STAT5B: variants seen among roughly 807,000 people sequenced by gnomAD.
STAT5B encodes transcription factor STAT5B.
In STAT5B, 21 loss-of-function variants were observed where a neutral mutation model predicts 107.8. That is an observed-to-expected ratio of 0.19 (90% CI 0.14 to 0.28). STAT5B has a LOEUF of 0.28. STAT5B is among the 10% of genes least tolerant of loss of function. The pLI is 1.00. For synonymous variants in STAT5B, 325 were observed against 401.7 expected, an observed-to-expected ratio of 0.81 and a Z score of 2.28; for missense variants, 565 against 1,008.2, an observed-to-expected ratio of 0.56 and a Z score of 5.95.
intron 3 of STAT5B, among the ~76,000 whole-genome samples, chr17:42,225,418 T>G (rs1430424975): frequency 2.6e-5 from 4 of 152,170 alleles, no homozygotes; most frequent in Non-Finnish European, 5.9e-5. Flanking sequence ...GAGGAGAAAC[T>G]GGATGCCACT....
At chr17:42,279,438 G>T (rs1449895570), upstream of STAT5B, among the ~76,000 whole-genome samples, 3 of 152,186 alleles carry the variant, frequency 2.0e-5, no homozygotes, top group Non-Finnish European at 4.4e-5. Flanking sequence ...TCCCAAGACC[G>T]GCGGTCTAGG....
intron 3 of STAT5B, among the ~76,000 whole-genome samples, chr17:42,226,597 C>G (rs1017820206): frequency 5.9e-5 from 9 of 151,656 alleles, no homozygotes; most frequent in African/African-American, 2.2e-4. Flanking sequence ...CACCTGAGGT[C>G]GGGAGTTCGA....
the STAT5B span, among the ~76,000 whole-genome samples, chr17:42,287,209 T>C: frequency 6.6e-6 from 1 of 152,100 alleles, no homozygotes; most frequent in Non-Finnish European, 1.5e-5. Context: ...TTTTTTTTTT[T>C]TTCCTCTGAA....
At chr17:42,207,489 AC>A in intron 16 of STAT5B, 68 bp downstream of exon 16, 2 of 22,972 alleles carry the variant, frequency 8.7e-5, no homozygotes, top group South Asian at 2.0e-3. Flanking sequence ...GCAGGTATGC[AC>A]ACACACACAC....
upstream of STAT5B, among the ~76,000 whole-genome samples, chr17:42,280,290 C>T (rs538332291): frequency 1.3e-5 from 2 of 152,184 alleles, no homozygotes; most frequent in South Asian, 4.2e-4. Context: ...GTCCACAGCC[C>T]TTGTCCATGC....
chr17:42,209,188 T>C (rs955101083), intron 15 of STAT5B, among the ~76,000 whole-genome samples: 1 of 152,012 alleles, frequency 6.6e-6, no homozygotes, highest in Admixed American at 6.6e-5. Context: ...GCGCACACCA[T>C]GAGCACCACC....
intron 1 of STAT5B, among the ~76,000 whole-genome samples, chr17:42,273,323 A>G (rs1342181523): frequency 1.3e-5 from 2 of 152,220 alleles, no homozygotes; most frequent in African/African-American, 4.8e-5. Flanking sequence ...GCGATAGTGC[A>G]GAGCTAACTT....
intron 3 of STAT5B, among the ~76,000 whole-genome samples, 160 bp from the exon 4 acceptor site, chr17:42,225,028 T>A (rs1044468040): frequency 1.3e-5 from 2 of 152,074 alleles, no homozygotes; most frequent in African/African-American, 2.4e-5. Context: ...GGAAATCCAA[T>A]TGCAGTGAAA....
At chr17:42,275,483 C>T (rs915864888) in intron 1 of STAT5B, 1 of 152,270 alleles carries the variant, frequency 6.6e-6, no homozygotes, top group Non-Finnish European at 1.5e-5. Flanking sequence ...GAGTTCTTTC[C>T]TCTTTGTTCA....
At chr17:42,219,617 G>C (rs2080206378) in intron 6 of STAT5B, 95 bp downstream of exon 6, 1 of 1,425,866 alleles carries the variant, frequency 7.0e-7, no homozygotes, top group Admixed American at 2.1e-5. Context: ...TGCCCTCCCA[G>C]GTTCTGCTCT....
At chr17:42,255,077 G>A (rs953964457) in intron 1 of STAT5B, among the ~76,000 whole-genome samples, 15 of 151,992 alleles carry the variant, frequency 9.9e-5, no homozygotes, top group South Asian at 4.1e-4. Context: ...GCAATGGAGC[G>A]AGACTCCGTC....
Position 42,228,788 on chromosome 17 carries a change from T to C in STAT5B, c.129-1103A>G, listed in dbSNP as rs1029383773. On this transcript the variant is annotated intron_variant, in intron 2 of 18. Coordinates refer to ENST00000293328, the MANE Select transcript of STAT5B (RefSeq NM_012448.4). ...CTCTACTAAAACACAAAAGAAATTA[T>C]CCGGGCGTGGCGGCATGTGCCTGTA... Among the ~76,000 whole-genome samples the C allele has an allele frequency of 2.6e-5, 4 of 151,928 alleles. No individual in the cohort carries two copies. In the South Asian group the frequency reaches 8.3e-4, roughly 32 times the overall value.
At chr17:42,229,851 C>G (rs780241213) in intron 2 of STAT5B, among the ~76,000 whole-genome samples, 14 of 150,592 alleles carry the variant, frequency 9.3e-5, no homozygotes, top group African/African-American at 3.2e-4. Context: ...GGTGACAGAG[C>G]GAGACTCCAT....
upstream of STAT5B, among the ~76,000 whole-genome samples, chr17:42,280,581 T>A (rs1392685956): frequency 2.0e-5 from 3 of 152,186 alleles, no homozygotes; most frequent in Admixed American, 1.3e-4. Context: ...ACTGTGGGAA[T>A]GTCCCTTTTT....
Position 42,244,894 on chromosome 17 carries a change from TTTTTA to T in STAT5B, c.-10-12762_-10-12758del, listed in dbSNP as rs538660305. ...AAAACCATGTAGACGCATTTTTAAATTTTTATTTTATTTATTTATTTTTTTGAGAC... is the reference window on the plus strand; with the variant it reads ...AAAACCATGTAGACGCATTTTTAAATTTTTATTTATTTATTTTTTTGAGAC... On this transcript the variant is annotated intron_variant, in intron 1 of 18. Transcript: ENST00000293328. Among the ~76,000 whole-genome samples, 228 of 152,198 alleles carry T rather than the reference TTTTTA, an allele frequency of 1.5e-3. 2 individuals carry two copies. Among genetic ancestry groups the T allele is most frequent in the South Asian group, 8.9e-3 (43 of 4,820 alleles).
chr17:42,219,951 T>G (rs1428616072), intron 5 of STAT5B, 109 bp from the exon 6 acceptor site: 14 of 1,553,366 alleles, frequency 9.0e-6, no homozygotes, highest in Non-Finnish European at 1.2e-5. Flanking sequence ...GCTCAGATAC[T>G]GCATTAAGGG....
intron 1 of STAT5B, among the ~76,000 whole-genome samples, chr17:42,253,049 T>C (rs2080512476): frequency 6.6e-6 from 1 of 152,208 alleles, no homozygotes; most frequent in African/African-American, 2.4e-5. Context: ...ACCCAGAATG[T>C]AGATTAATGT....
At chr17:42,227,738 T>C (rs2080285885) in intron 2 of STAT5B, 53 bp from the exon 3 acceptor site, 1 of 1,586,330 alleles carries the variant, frequency 6.3e-7, no homozygotes, top group Non-Finnish European at 8.6e-7. Context: ...TGAGCCTGTA[T>C]AAATACAGCC....
At chr17:42,231,528 G>C (rs1287717003) in intron 2 of STAT5B, among the ~76,000 whole-genome samples, 1 of 152,106 alleles carries the variant, frequency 6.6e-6, no homozygotes, top group Non-Finnish European at 1.5e-5. Flanking sequence ...TTTGTACAGA[G>C]ACAGGGTTTT....
Sources: allele counts gnomAD v4.1 joint callset (sites outside exome capture counted in the v4.1 genomes callset), GRCh38; gene constraint gnomAD v4.1.1; transcripts MANE v1.5; gene names NCBI Gene and HGNC (gene_info 2026-07-23, HGNC 2026-07-21).